Variants in RNLS observed in about 807,000 individuals in gnomAD.
The protein encoded by RNLS is renalase.
RNLS carries 39 observed loss-of-function variants against 39.8 expected under a neutral mutation model. That is an observed-to-expected ratio of 0.98 (90% CI 0.76 to 1.28). The LOEUF (loss-of-function observed/expected upper bound fraction) is 1.28, where lower values mean the gene tolerates loss of function less well. Among genes scored for constraint, RNLS ranks in the 50% most tolerant of loss-of-function variants. The pLI, the probability that RNLS is intolerant of heterozygous loss-of-function variation, is 0.00. For synonymous variants in RNLS, 147 were observed against 150.7 expected, an observed-to-expected ratio of 0.98 and a Z score of 0.18; for missense variants, 410 against 413.3, an observed-to-expected ratio of 0.99 and a Z score of 0.07.
intron 4 of RNLS, among the ~76,000 whole-genome samples, chr10:88,403,355 T>C (rs1281775512): frequency 1.3e-5 from 2 of 152,124 alleles, no homozygotes; most frequent in Non-Finnish European, 2.9e-5. Context: ...ATGATATTAA[T>C]TTTGTGATGG....
At chr10:88,391,860 T>C (rs1852221744) in intron 4 of RNLS, among the ~76,000 whole-genome samples, 1 of 152,214 alleles carries the variant, frequency 6.6e-6, no homozygotes, top group Non-Finnish European at 1.5e-5. Context: ...TTTACTCTGC[T>C]CTTTTCTCAT....
intron 4 of RNLS, among the ~76,000 whole-genome samples, chr10:88,485,225 T>C (rs954774566): frequency 2.6e-5 from 4 of 151,900 alleles, no homozygotes; most frequent in African/African-American, 4.8e-5. Flanking sequence ...ATTATTAATA[T>C]ATACTAGTCA....
intron 5 of RNLS, among the ~76,000 whole-genome samples, chr10:88,352,999 T>C (rs138946067): frequency 5.3e-5 from 8 of 152,358 alleles, no homozygotes; most frequent in African/African-American, 1.9e-4. Flanking sequence ...GAGGTGTTTA[T>C]AGTATTCTGT....
intron 5 of RNLS, among the ~76,000 whole-genome samples, chr10:88,329,433 T>C (rs1264615884): frequency 1.3e-5 from 2 of 152,114 alleles, no homozygotes; most frequent in Non-Finnish European, 2.9e-5. Flanking sequence ...GGTTTTTTCT[T>C]TGTCTTTGAT....
rs1447720570 is a variant in RNLS, at chr10:88,285,506, C to A, written c.877G>T (p.Val293Phe). The change falls in exon 7 of 7, where the codon GTT becomes TTT. Residue 293 changes from valine to phenylalanine, a missense_variant and splice_region_variant. Coordinates refer to ENST00000331772, the MANE Select transcript of RNLS (RefSeq NM_001031709.3). ...TKCQKWRHSQVTNAAANCPGQ... is the reference protein window; with the variant it reads ...TKCQKWRHSQFTNAAANCPGQ... ...GGACAGTTGGCAGCAGCATTTGTAA[C>A]CTGAAAAAGTAAAAAGAGGATTGCA... The A allele has an allele frequency of 3.7e-6, 6 of 1,612,184 alleles. No individual in the cohort carries two copies. Among genetic ancestry groups the A allele is most frequent in the South Asian group, 2.2e-5 (2 of 90,980 alleles).
intron 4 of RNLS, among the ~76,000 whole-genome samples, chr10:88,500,925 T>C (rs1466686206): frequency 6.6e-6 from 1 of 152,124 alleles, no homozygotes; most frequent in African/African-American, 2.4e-5. Flanking sequence ...CAGCCATCTA[T>C]GTAATGAGAT....
chr10:88,221,984 G>A, the RNLS span, among the ~76,000 whole-genome samples: 1 of 152,302 alleles, frequency 6.6e-6, no homozygotes, highest in African/African-American at 2.4e-5. Flanking sequence ...TGCCTGAGGT[G>A]AATGCATGCT....
chr10:88,366,815 T>C (rs1448777153), intron 4 of RNLS, among the ~76,000 whole-genome samples: 4 of 151,684 alleles, frequency 2.6e-5, no homozygotes, highest in Non-Finnish European at 5.9e-5. Context: ...TGTTAACCAA[T>C]TTACCTTTTG....
intron 4 of RNLS, among the ~76,000 whole-genome samples, chr10:88,377,006 AATT>A (rs1229731348): frequency 6.6e-6 from 1 of 151,744 alleles, no homozygotes; most frequent in African/African-American, 2.4e-5. Context: ...ATTTATTATA[AATT>A]ATTCATTAAA....
chr10:88,380,402 G>GTCTC (rs534239751), intron 4 of RNLS, among the ~76,000 whole-genome samples: 18 of 120,572 alleles, frequency 1.5e-4, no homozygotes, highest in Admixed American at 5.4e-4. Flanking sequence ...AGACGACGGA[G>GTCTC]TCTCTCTCTG....
chr10:88,330,125 C>T (rs1056868291), intron 5 of RNLS, among the ~76,000 whole-genome samples: 3 of 146,558 alleles, frequency 2.0e-5, no homozygotes, highest in Non-Finnish European at 4.5e-5. Flanking sequence ...TATATATATA[C>T]ACACACACAC....
downstream of RNLS, among the ~76,000 whole-genome samples, chr10:88,280,128 C>A (rs887797787): frequency 1.4e-4 from 21 of 152,130 alleles, no homozygotes; most frequent in African/African-American, 4.8e-4. Context: ...CCTTTATGAT[C>A]AACATCATCA....
intron 4 of RNLS, among the ~76,000 whole-genome samples, chr10:88,472,063 C>T (rs570057854): frequency 6.6e-6 from 1 of 152,294 alleles, no homozygotes; most frequent in South Asian, 2.1e-4. Context: ...ATTTCAAGAG[C>T]TCAGAGGTTA....
At chr10:88,541,173 G>T (rs1298334298) in intron 4 of RNLS, among the ~76,000 whole-genome samples, 1 of 152,080 alleles carries the variant, frequency 6.6e-6, no homozygotes, top group African/African-American at 2.4e-5. Context: ...TTTCAGAATG[G>T]AACATAAATC....
In RNLS at chr10:88,424,842, C is replaced by T. The variant is rs547759805; in HGVS notation, c.527-62117G>A. Among the ~76,000 whole-genome samples, 13 of 152,186 alleles carry T rather than the reference C, an allele frequency of 8.5e-5. No individual in the cohort carries two copies. In the South Asian group the frequency reaches 2.7e-3, roughly 32 times the overall value. On this transcript the variant is annotated intron_variant, in intron 4 of 6. Transcript: ENST00000331772. ...GGAAGTGTTCAGTATAAAAGACAACCTTGGTCCTTGGCACAAGATCTTTGT... is the reference window on the plus strand; with the variant it reads ...GGAAGTGTTCAGTATAAAAGACAACTTTGGTCCTTGGCACAAGATCTTTGT...
chr10:88,300,629 G>A (rs1395225266), intron 6 of RNLS, among the ~76,000 whole-genome samples: 6 of 152,138 alleles, frequency 3.9e-5, no homozygotes, highest in Non-Finnish European at 8.8e-5. Flanking sequence ...ATGGCAAACT[G>A]TACTATATCA....
At chr10:88,360,208 CA>C (rs1849528479) in intron 5 of RNLS, among the ~76,000 whole-genome samples, 1 of 152,076 alleles carries the variant, frequency 6.6e-6, no homozygotes, top group Non-Finnish European at 1.5e-5. Context: ...TTCTTCCTAA[CA>C]AAACTCTATT....
intron 5 of RNLS, among the ~76,000 whole-genome samples, chr10:88,349,860 A>G (rs1848559402): frequency 1.3e-5 from 2 of 152,026 alleles, no homozygotes; most frequent in African/African-American, 4.8e-5. Flanking sequence ...AATATTTGCA[A>G]TTAGTATTTG....
At chr10:88,177,241 G>A in the RNLS span, among the ~76,000 whole-genome samples, 3 of 152,172 alleles carry the variant, frequency 2.0e-5, no homozygotes, top group East Asian at 1.9e-4. Flanking sequence ...AATGGTGTCC[G>A]TATGTCCCAT....
Sources: gnomAD v4.1 joint callset for allele counts (sites outside exome capture counted in the v4.1 genomes callset) on GRCh38, gnomAD v4.1.1 for gene constraint, MANE v1.5 for transcripts, NCBI Gene and HGNC (gene_info 2026-07-23, HGNC 2026-07-21) for gene names.